Variants in TTYH1 observed in about 807,000 individuals in gnomAD.
TTYH1 encodes protein tweety homolog 1.
TTYH1 carries 33 observed loss-of-function variants against 61.2 expected under a neutral mutation model. The observed-to-expected ratio is 0.54, with a 90% confidence interval of 0.41 to 0.72. TTYH1 has a LOEUF of 0.72. Among genes scored for constraint, TTYH1 ranks in the 30% least tolerant of loss-of-function variants. The probability of loss-of-function intolerance (pLI) is 0.00; values close to 1 mark genes in which losing one functional copy is unlikely to be tolerated. For synonymous variants in TTYH1, 308 were observed against 266.4 expected (o/e 1.16, Z -1.52); for missense variants, 538 against 575.8 (o/e 0.93, Z 0.67).
Position 54,415,583 on chromosome 19 carries a change from G to A in TTYH1, c.31G>A (p.Ala11Thr). 6.5e-7 allele frequency: 1 copy of A among 1,526,822 alleles called. No homozygotes were observed. Among genetic ancestry groups the A allele is most frequent in the Non-Finnish European group, 8.7e-7 (1 of 1,143,996 alleles). 94.6% of individuals were successfully genotyped at this position (1,526,822 alleles called of 1,614,324 possible). A position where few individuals can be genotyped will look rare whatever the true frequency, so the allele number is the denominator to read the frequency against. MGAPPGYRPS[A>T]WVHLLHQLPR... is the part of the protein sequence containing the mutation. Reference sequence around the variant, plus strand: ...GGCGCCCCCGGGCTACCGGCCCTCAGCTTGGGTGCATCTCCTCCACCAGCT... The same window carrying A: ...GGCGCCCCCGGGCTACCGGCCCTCAACTTGGGTGCATCTCCTCCACCAGCT... Residue 11 changes from alanine (A) to threonine (T), a missense_variant, in exon 1 of 14, where the codon GCT becomes ACT. Transcript: ENST00000376530. This position sits in a 1 kb window ranked among gnomAD's most constrained non-coding sequence, Gnocchi z 5.2.
rs545829972 is a variant in TTYH1, at chr19:54,418,935, G to T, written c.127-193G>T. ...AGTTGGAAGCTCCCTCCAGCAAGCTGGCCCTGACACCTGGAGCCCCAGCTG... is the reference window on the plus strand; with the variant it reads ...AGTTGGAAGCTCCCTCCAGCAAGCTTGCCCTGACACCTGGAGCCCCAGCTG... On this transcript the variant is annotated intron_variant, in intron 1 of 13. Transcript: ENST00000376530. 6.5e-3 allele frequency among the ~76,000 whole-genome samples: 996 copies of T among 152,302 alleles called. 10 individuals are homozygous for T. The highest frequency in any genetic ancestry group is 0.022 in the African/African-American group (895 of 41,584).
In TTYH1 at chr19:54,422,341, C is replaced by T; in HGVS notation, c.569C>T (p.Ala190Val). 6.4e-7 allele frequency: 1 copy of T among 1,572,346 alleles called. No individual in the cohort carries two copies. The highest frequency in any genetic ancestry group is 8.6e-7 in the Non-Finnish European group (1 of 1,160,172). Residue 190 changes from alanine (A) to valine (V), a missense_variant, in exon 4 of 14, where the codon GCC (alanine) becomes GTC (valine). Ala to Val is a moderately conservative substitution (Grantham distance 64). This residue lies in a region of TTYH1 where 378 missense variants were observed against 401.2 expected (regional missense o/e 0.94). Coordinates refer to ENST00000376530, the MANE Select transcript of TTYH1 (RefSeq NM_020659.4). The part of the protein sequence containing the change: ...EAAAQQLQGL[A>V]FWQGVPLSPL... ...GCGGCCCAGCAGCTGCAGGGGCTGG[C>T]CTTCTGGCAGGGAGTGCCCCTGAGC...
At position 54,416,432 on chromosome 19, in the gene TTYH1, GT is replaced by G. The variant is rs2083079807; in HGVS notation, c.126+755del. Reference sequence around the variant, plus strand: ...GGCAGCTCCAATGGGCGAAAGAGCTGTCCCCTGACCCAGTTTAATTCAAGTC... The same window carrying G: ...GGCAGCTCCAATGGGCGAAAGAGCTGCCCCTGACCCAGTTTAATTCAAGTC... On this transcript the variant is annotated intron_variant, in intron 1 of 13. Coordinates refer to ENST00000376530, the MANE Select transcript of TTYH1 (RefSeq NM_020659.4). The surrounding 1 kb of genome is among the most constrained non-coding windows in gnomAD (Gnocchi z 7.0). 3.6e-6 allele frequency: 1 copy of G among 276,564 alleles called. No individual in the cohort carries two copies. The highest frequency in any genetic ancestry group is 2.3e-5 in the African/African-American group (1 of 43,848). 17.1% of individuals were successfully genotyped at this position (276,564 alleles called of 1,614,324 possible). A position where few individuals can be genotyped will look rare whatever the true frequency, so the allele number is the denominator to read the frequency against.
rs959799985 is a variant in TTYH1 at position 54,429,400 on chromosome 19, A to T, written c.807+21A>T. ...CCGTGGTGAGTGCCAGGGCCGGGCCATTGGGCTCTGGGACTCAGGGGGCCT... is the reference window on the plus strand; with the variant it reads ...CCGTGGTGAGTGCCAGGGCCGGGCCTTTGGGCTCTGGGACTCAGGGGGCCT... On this transcript the variant is annotated intron_variant, in intron 6 of 13. Coordinates refer to ENST00000376530, the MANE Select transcript of TTYH1 (RefSeq NM_020659.4). This position sits in a 1 kb window ranked among gnomAD's most constrained non-coding sequence, Gnocchi z 5.1. 1 of 1,611,658 alleles carries T rather than the reference A, an allele frequency of 6.2e-7. No individual in the cohort carries two copies. The highest frequency in any genetic ancestry group is 1.1e-5 in the South Asian group (1 of 91,000).
rs1041833558 is a variant in TTYH1 at position 54,421,383 on chromosome 19, C to T, written c.412C>T (p.His138Tyr). 2 of 1,611,398 alleles carry T rather than the reference C, an allele frequency of 1.2e-6. No homozygotes were observed. Among genetic ancestry groups the T allele is most frequent in the Non-Finnish European group, 8.5e-7 (1 of 1,177,658 alleles). The change falls in exon 3 of 14, where the codon CAC (histidine) becomes TAC (tyrosine). Residue 138 changes from histidine (H) to tyrosine (Y), a missense_variant. His to Tyr is a moderately conservative substitution (Grantham distance 83). This residue lies in a region of TTYH1 where 378 missense variants were observed against 401.2 expected (regional missense o/e 0.94). Transcript: ENST00000376530. The surrounding 1 kb of genome is among the most constrained non-coding windows in gnomAD (Gnocchi z 4.8). ...HANHTLSTIDHLVLETVERLG... is the reference protein window; with the variant it reads ...HANHTLSTIDYLVLETVERLG... ...CAACCACACACTCAGCACCATTGAC[C>T]ACCTGGTGAGGGGCCAGCAACCAGT...
rs777561036 is a variant in TTYH1 at position 54,426,733 on chromosome 19, G to A, written c.699G>A (p.Leu233=). 13 of 1,613,924 alleles carry A rather than the reference G, an allele frequency of 8.1e-6. No individual in the cohort carries two copies. In the Admixed American group the frequency reaches 1.5e-4, roughly 19 times the overall value. The change falls in exon 5 of 14, where the codon CTG becomes CTA. Residue 233 remains leucine, a synonymous_variant. Transcript: ENST00000376530. ...LELLVCLFTL[L]GLAKQSKWLV... is the part of the protein sequence containing the mutation. ...TGCTGGTCTGCCTCTTCACCCTCCT[G>A]GGCCTGGCGAAGCAGAGCAAGTGGC...
intron 1 of TTYH1, chr19:54,418,813 G>A (rs1599883204): frequency 3.1e-6 from 1 of 319,146 alleles, no homozygotes; most frequent in African/African-American, 2.1e-5. Flanking sequence ...GCTGCAGAGA[G>A]AAGGAAACCC....
chr19:54,416,070 A>T lies in TTYH1; in HGVS notation c.126+392A>T. The stretch of plus-strand genomic sequence containing the variant: ...CTGCCCCACAGGATCAGAGCAGGTG[A>T]ATATGTCCCAGATAAGGTGGGACCC... On this transcript the variant is annotated intron_variant, in intron 1 of 13. Transcript: ENST00000376530. This position sits in a 1 kb window ranked among gnomAD's most constrained non-coding sequence, Gnocchi z 7.0. The T allele has an allele frequency of 3.1e-6, 4 of 1,307,200 alleles. No homozygotes were observed. Among genetic ancestry groups the T allele is most frequent in the Non-Finnish European group, 4.0e-6 (4 of 990,940 alleles). The allele number at this position is 1,307,200 out of a possible 1,614,324, so 81.0% of individuals were successfully genotyped here. A position where few individuals can be genotyped will look rare whatever the true frequency, so the allele number is the denominator to read the frequency against.
chr19:54,436,022 G>T lies in TTYH1; in HGVS notation c.1315-69G>T, dbSNP rs1210707385. Reference sequence around the variant, plus strand: ...TGGGTCTGAGGGAGGAGGGGCTGGGGTCCCACAGTACAAAGCCAATTCCCA... The same window carrying T: ...TGGGTCTGAGGGAGGAGGGGCTGGGTTCCCACAGTACAAAGCCAATTCCCA... On this transcript the variant is annotated intron_variant, in intron 12 of 13. Coordinates refer to ENST00000376530, the MANE Select transcript of TTYH1 (RefSeq NM_020659.4). This position sits in a 1 kb window ranked among gnomAD's most constrained non-coding sequence, Gnocchi z 4.3. The T allele has an allele frequency of 6.3e-7, 1 of 1,584,524 alleles. No homozygotes were observed. Among genetic ancestry groups the T allele is most frequent in the African/African-American group, 1.3e-5 (1 of 74,434 alleles).
Position 54,416,624 on chromosome 19 carries a change from G to A in TTYH1, c.126+946G>A. The A allele has an allele frequency of 1.6e-6, 1 of 629,838 alleles. No homozygotes were observed. Among genetic ancestry groups the A allele is most frequent in the Non-Finnish European group, 2.3e-6 (1 of 427,320 alleles). The allele number at this position is 629,838 out of a possible 1,614,324, so 39.0% of individuals were successfully genotyped here. ...CTGGGAGAAGGGGGCTGGGATTGGA[G>A]AGCTCAGGGGGCGTGGAGGGGGTCC... On this transcript the variant is annotated intron_variant, in intron 1 of 13. Transcript: ENST00000376530. This position sits in a 1 kb window ranked among gnomAD's most constrained non-coding sequence, Gnocchi z 7.0.
rs375399218 is a variant in TTYH1 at position 54,419,097 on chromosome 19, C to A, written c.127-31C>A. On this transcript the variant is annotated intron_variant, in intron 1 of 13. Coordinates refer to ENST00000376530, the MANE Select transcript of TTYH1 (RefSeq NM_020659.4). This position sits in a 1 kb window ranked among gnomAD's most constrained non-coding sequence, Gnocchi z 6.1. ...TCTGAGTGTGGAACACACGGGTGCC[C>A]TCGGAGGTCTGATGTCACCCCCTTC... The A allele has an allele frequency of 2.5e-6, 4 of 1,587,874 alleles. No homozygotes were observed. Among genetic ancestry groups the A allele is most frequent in the Non-Finnish European group, 3.4e-6 (4 of 1,164,950 alleles).
Position 54,422,254 on chromosome 19 carries a change from TGCTCGA to T in TTYH1, c.485_490del (p.Leu162_Glu163del). ...ACAGAGCTGACCACCCTGGAGGAGG[TGCTCGA>T]GCCGCGCACGGAGCTGGTGGCTGCC... On this transcript the variant is annotated inframe_deletion, in exon 4 of 14. Coordinates refer to ENST00000376530, the MANE Select transcript of TTYH1 (RefSeq NM_020659.4). 6.4e-7 allele frequency: 1 copy of T among 1,565,270 alleles called. No individual in the cohort carries two copies. The highest frequency in any genetic ancestry group is 8.7e-7 in the Non-Finnish European group (1 of 1,155,476).
At chr19:54,435,468 C>A in intron 10 of TTYH1, 74 bp from the exon 11 acceptor site, 1 of 1,501,952 alleles carries the variant, frequency 6.7e-7, no homozygotes, top group South Asian at 1.3e-5. Context: ...GGAGGACGGT[C>A]AGACTGATGT....
chr19:54,416,561 A>G lies in TTYH1; in HGVS notation c.126+883A>G. ...CCCAGGACGGGTCCTGGCCCTGCTG[A>G]TGGGGCCTGAGCCCCTGGGCTCCGT... On this transcript the variant is annotated intron_variant, in intron 1 of 13. Transcript: ENST00000376530. This position sits in a 1 kb window ranked among gnomAD's most constrained non-coding sequence, Gnocchi z 7.0. 2.9e-6 allele frequency: 1 copy of G among 348,900 alleles called. No individual in the cohort carries two copies. Among genetic ancestry groups the G allele is most frequent in the South Asian group, 2.2e-5 (1 of 46,490 alleles). 21.6% of individuals were successfully genotyped at this position (348,900 alleles called of 1,614,324 possible).
Position 54,429,901 on chromosome 19 carries a change from C to G in TTYH1, c.827C>G (p.Ser276Cys). The G allele has an allele frequency of 1.2e-6, 2 of 1,614,000 alleles. No homozygotes were observed. The highest frequency in any genetic ancestry group is 1.7e-6 in the Non-Finnish European group (2 of 1,179,918). Residue 276 changes from serine (S) to cysteine (C), a missense_variant, in exon 7 of 14, where the codon TCC (serine) becomes TGC (cysteine). Coordinates refer to ENST00000376530, the MANE Select transcript of TTYH1 (RefSeq NM_020659.4). This position sits in a 1 kb window ranked among gnomAD's most constrained non-coding sequence, Gnocchi z 5.1. ...ACGCAGGGCCTCAGTGACTTCTGCT[C>G]CAATCCAGACCCTTATGTTCTGAAC... ...ATAVGLSDFC[S>C]NPDPYVLNLT...
At position 54,436,171 on chromosome 19, in the gene TTYH1, G is replaced by C. The variant is rs763558195; in HGVS notation, c.*42G>C. Reference sequence around the variant, plus strand: ...GGACTGGAGCCTGGCTCCCCTCTTCGGTGAGCTTCCAAGGGCCACCCCAGC... The same window carrying C: ...GGACTGGAGCCTGGCTCCCCTCTTCCGTGAGCTTCCAAGGGCCACCCCAGC... On this transcript the variant is annotated splice_region_variant and 3_prime_UTR_variant, in exon 13 of 14. Transcript: ENST00000376530. The surrounding 1 kb of genome is among the most constrained non-coding windows in gnomAD (Gnocchi z 4.3). 2 of 1,613,946 alleles carry C rather than the reference G, an allele frequency of 1.2e-6. No homozygotes were observed. Among genetic ancestry groups the C allele is most frequent in the Non-Finnish European group, 1.7e-6 (2 of 1,179,916 alleles).
chr19:54,421,487 C>T lies in TTYH1; in HGVS notation c.417+99C>T. On this transcript the variant is annotated intron_variant, in intron 3 of 13. Coordinates refer to ENST00000376530, the MANE Select transcript of TTYH1 (RefSeq NM_020659.4). The surrounding 1 kb of genome is among the most constrained non-coding windows in gnomAD (Gnocchi z 4.8). ...CCAAACTCAGAGCTAAGACCCCAGG[C>T]TTGAAGCTTAGGAACCCAGATTCAG... 1 of 838,290 alleles carries T rather than the reference C, an allele frequency of 1.2e-6. No homozygotes were observed. Among genetic ancestry groups the T allele is most frequent in the Non-Finnish European group, 2.0e-6 (1 of 493,240 alleles). The allele number at this position is 838,290 out of a possible 1,614,324, so 51.9% of individuals were successfully genotyped here.
chr19:54,422,052 C>A, intron 3 of TTYH1, 138 bp from the exon 4 acceptor site: 1 of 673,532 alleles, frequency 1.5e-6, no homozygotes, highest in Non-Finnish European at 2.5e-6. Context: ...TTCCCTTACT[C>A]AATCCTCAGA....
chr19:54,433,612 A>C (rs28713630), intron 10 of TTYH1: 40,808 of 149,680 alleles, frequency 0.27, 5,830 homozygotes, highest in Middle Eastern at 0.42. Context: ...TCGTGCCTAT[A>C]AACCCAGCAC....
Sources: gnomAD v4.1 joint callset for allele counts (sites outside exome capture counted in the v4.1 genomes callset) on GRCh38, gnomAD v4.1.1 for gene constraint, gnomAD v4.1.1 regional missense constraint, Gnocchi (gnomAD v3.1) non-coding constraint, MANE v1.5 for transcripts, NCBI Gene and HGNC (gene_info 2026-07-23, HGNC 2026-07-21) for gene names.